Variants in CACNA1C observed in about 807,000 individuals in gnomAD.
CACNA1C encodes calcium voltage-gated channel subunit alpha1 C, also known as voltage-dependent L-type calcium channel subunit alpha-1C.
In CACNA1C, 30 loss-of-function variants were observed where a neutral mutation model predicts 229.0. The observed-to-expected ratio is 0.13, with a 90% CI of 0.10 to 0.18. CACNA1C has a LOEUF of 0.18. Ranked by LOEUF, CACNA1C falls within the 10% of genes least tolerant of loss-of-function variation. CACNA1C has a pLI of 1.00. For missense variants in CACNA1C, 1,658 were observed against 2,845.0 expected, an observed-to-expected ratio of 0.58 and a Z score of 9.49; for synonymous variants, 1,114 against 1,132.5, an observed-to-expected ratio of 0.98 and a Z score of 0.33.
chr12:2,247,381 G>A (rs1313565571), intron 3 of CACNA1C, among the ~76,000 whole-genome samples: 2 of 152,142 alleles, frequency 1.3e-5, no homozygotes, highest in Non-Finnish European at 1.5e-5. Context: ...CTCCTTTTCC[G>A]GGTGGGTTTT....
intron 1 of CACNA1C, among the ~76,000 whole-genome samples, chr12:2,012,788 G>A (rs1018353892): frequency 6.6e-6 from 1 of 152,210 alleles, no homozygotes; most frequent in Non-Finnish European, 1.5e-5. Context: ...GAGACCTCTA[G>A]TAGTTGGGGA....
chr12:1,984,098 T>A (rs565642171), intron 1 of CACNA1C, among the ~76,000 whole-genome samples: 1 of 152,218 alleles, frequency 6.6e-6, no homozygotes, highest in South Asian at 2.1e-4. Flanking sequence ...TTCATCCTTT[T>A]ACCTTTAACC....
chr12:2,372,354 G>A, intron 3 of CACNA1C, among the ~76,000 whole-genome samples: 1 of 152,178 alleles, frequency 6.6e-6, no homozygotes, highest in East Asian at 1.9e-4. Context: ...CTATGTCAGT[G>A]TGAGCAGACT....
intron 1 of CACNA1C, among the ~76,000 whole-genome samples, chr12:2,030,354 G>T (rs763359642): frequency 6.6e-6 from 1 of 151,936 alleles, no homozygotes; most frequent in Non-Finnish European, 1.5e-5. Flanking sequence ...ATCAGTTAAA[G>T]GAACATTGTC....
chr12:2,492,633 A>G (rs1320044434), intron 6 of CACNA1C, among the ~76,000 whole-genome samples: 1 of 152,242 alleles, frequency 6.6e-6, no homozygotes, highest in Non-Finnish European at 1.5e-5. Context: ...CGTCCCTGGC[A>G]ATGTATCCTC....
At chr12:2,582,011 A>G (rs1315264198) in intron 14 of CACNA1C, among the ~76,000 whole-genome samples, 1 of 151,642 alleles carries the variant, frequency 6.6e-6, no homozygotes, top group African/African-American at 2.4e-5. Flanking sequence ...CATTAGGGGA[A>G]ACAATATAAG....
At chr12:2,268,906 C>T (rs1408983612) in intron 3 of CACNA1C, among the ~76,000 whole-genome samples, 2 of 152,180 alleles carry the variant, frequency 1.3e-5, no homozygotes, top group Admixed American at 6.5e-5. Context: ...AAGACAGACT[C>T]GGCCTTGGGC....
At chr12:2,089,740 A>G (rs139874217) in intron 1 of CACNA1C, among the ~76,000 whole-genome samples, 112 of 152,344 alleles carry the variant, frequency 7.4e-4, no homozygotes, top group African/African-American at 2.5e-3. Context: ...TTTCATCTTG[A>G]AAAATTGTAA....
rs2154136915 is a variant in CACNA1C at position 2,115,299 on chromosome 12, A to G, written c.125A>G (p.His42Arg). 6.3e-7 allele frequency: 1 copy of G among 1,594,072 alleles called. No individual in the cohort carries two copies. Residue 42 changes from histidine to arginine, a missense_variant, in exon 2 of 47, where the codon CAC becomes CGC. Transcript: ENST00000399655. ...ANAAAGLAPE[H>R]IPTPGAALSW... ...GCGGCAGCGGGGCTGGCCCCTGAGC[A>G]CATCCCCACCCCGGGGGCTGCCCTG...
At position 2,628,087 on chromosome 12, in the gene CACNA1C, T is replaced by C. The variant is rs920604254; in HGVS notation, c.3829-6210T>C. On this transcript the variant is annotated intron_variant, in intron 29 of 46. Coordinates refer to ENST00000399655, the MANE Select transcript of CACNA1C (RefSeq NM_000719.7). ...ACCACCCCAGGCAAGGAGTGAAAGG[T>C]GTGCGGACTTCGTCGTGGACGCCTT... 3.3e-5 allele frequency among the ~76,000 whole-genome samples: 5 copies of C among 152,178 alleles called. No homozygotes were observed. The East Asian group carries it at 9.6e-4, about 29-fold the overall frequency.
In CACNA1C at chr12:2,034,514, G is replaced by C. The variant is rs2048759191; in HGVS notation, c.139+63313G>C. ...AGAGGCTGAGGTACTAAGGTTGAGG[G>C]TACTGTGGTGGGTATTTAATACTAA... On this transcript the variant is annotated intron_variant, in intron 1 of 46. Coordinates refer to the CACNA1C transcript ENST00000682462. This position sits in a 1 kb window ranked among gnomAD's most constrained non-coding sequence, Gnocchi z 4.1. Among the ~76,000 whole-genome samples, 1 of 152,194 alleles carries C rather than the reference G, an allele frequency of 6.6e-6. No individual in the cohort carries two copies. Among genetic ancestry groups the C allele is most frequent in the African/African-American group, 2.4e-5 (1 of 41,442 alleles).
intron 3 of CACNA1C, among the ~76,000 whole-genome samples, chr12:2,362,033 A>T (rs959853624): frequency 3.9e-4 from 59 of 152,332 alleles, no homozygotes; most frequent in African/African-American, 1.4e-3. Flanking sequence ...CAGGCCATTC[A>T]TTGGCATTAG....
intron 3 of CACNA1C, among the ~76,000 whole-genome samples, chr12:2,206,540 T>C (rs758174): frequency 0.34 from 51,850 of 152,134 alleles, 9,328 homozygotes; most frequent in South Asian, 0.39. Context: ...CTAGTAACAC[T>C]GCCCTCTTTG....
chr12:2,239,797 C>T (rs577189369), intron 3 of CACNA1C, among the ~76,000 whole-genome samples: 28 of 152,300 alleles, frequency 1.8e-4, no homozygotes, highest in Admixed American at 1.6e-3. Context: ...ATCTGTTCCC[C>T]GGGCTGCAGC....
chr12:2,320,940 A>G (rs918963646), intron 3 of CACNA1C, among the ~76,000 whole-genome samples: 2 of 152,180 alleles, frequency 1.3e-5, no homozygotes, highest in Non-Finnish European at 2.9e-5. Context: ...TAGACCATCT[A>G]CAACCCTGGG....
intron 3 of CACNA1C, among the ~76,000 whole-genome samples, chr12:2,416,994 C>T (rs1441298844): frequency 6.6e-6 from 1 of 152,198 alleles, no homozygotes; most frequent in Non-Finnish European, 1.5e-5. Flanking sequence ...TAGTGACTGC[C>T]TCTCCCTGTT....
At chr12:2,537,370 A>G (rs1459812727) in intron 9 of CACNA1C, among the ~76,000 whole-genome samples, 1 of 152,204 alleles carries the variant, frequency 6.6e-6, no homozygotes, top group Admixed American at 6.5e-5. Flanking sequence ...GGGGACATCT[A>G]ATGCCTCCCT....
intron 1 of CACNA1C, among the ~76,000 whole-genome samples, chr12:2,057,702 A>C (rs2055729738): frequency 6.6e-6 from 1 of 152,200 alleles, no homozygotes; most frequent in South Asian, 2.1e-4. Flanking sequence ...CCCTTCCAGC[A>C]CAGACAGCAT....
intron 1 of CACNA1C, among the ~76,000 whole-genome samples, chr12:2,056,196 AGTGTGTGTGTGT>A (rs138718348): frequency 0.15 from 22,424 of 146,012 alleles, 1,811 homozygotes; most frequent in African/African-American, 0.19. Flanking sequence ...AGTGTGTGTG[AGTGTGTGTGTGT>A]GTGTGTGTGT....
Sources: allele counts gnomAD v4.1 joint callset (sites outside exome capture counted in the v4.1 genomes callset), GRCh38; gene constraint gnomAD v4.1.1; non-coding constraint Gnocchi (gnomAD v3.1); transcripts MANE v1.5; gene names NCBI Gene and HGNC (gene_info 2026-07-23, HGNC 2026-07-21).